ANGPT4: variants seen among roughly 807,000 people sequenced by gnomAD.
The protein encoded by ANGPT4 is angiopoietin-4.
ANGPT4 carries 50 observed loss-of-function variants against 53.0 expected under a neutral mutation model. The observed-to-expected ratio is 0.94, with a 90% confidence interval of 0.75 to 1.20. The LOEUF is 1.20. Among genes scored for constraint, ANGPT4 ranks in the 50% most tolerant of loss-of-function variants. The probability of loss-of-function intolerance (pLI) is 0.00; values close to 1 mark genes in which losing one functional copy is unlikely to be tolerated. For synonymous variants in ANGPT4, 251 were observed against 259.7 expected, an observed-to-expected ratio of 0.97 and a Z score of 0.32; for missense variants, 648 against 637.1, an observed-to-expected ratio of 1.02 and a Z score of -0.18.
chr20:896,574 C>G (rs1982061084), intron 1 of ANGPT4, among the ~76,000 whole-genome samples: 4 of 152,142 alleles, frequency 2.6e-5, no homozygotes, highest in African/African-American at 9.7e-5. Context: ...TATCTCTCTT[C>G]CATGGAAAAT....
At chr20:883,826 T>C (rs1227706621) in intron 4 of ANGPT4, among the ~76,000 whole-genome samples, 1 of 152,216 alleles carries the variant, frequency 6.6e-6, no homozygotes, top group Non-Finnish European at 1.5e-5. Context: ...TTCAGGCAGC[T>C]CAAGGCCAGG....
In ANGPT4 at chr20:881,263, C is replaced by A; in HGVS notation, c.859G>T (p.Val287Leu). The A allele has an allele frequency of 6.2e-7, 1 of 1,614,212 alleles. No individual in the cohort carries two copies. ...TGGATCTCTGCACAGTCCTGGAACA[C>A]CTGCTCACCTGCCATTATGAAGGCT... The part of the protein sequence containing the change: ...APAFIMAGEQ[V>L]FQDCAEIQRS... The change falls in exon 5 of 9, where the codon GTG becomes TTG. Residue 287 changes from valine to leucine, a missense_variant. Coordinates refer to ENST00000381922, the MANE Select transcript of ANGPT4 (RefSeq NM_015985.4).
At chr20:882,043 G>T (rs1981430176) in intron 4 of ANGPT4, among the ~76,000 whole-genome samples, 2 of 152,136 alleles carry the variant, frequency 1.3e-5, no homozygotes, top group Admixed American at 1.3e-4. Flanking sequence ...GGAAGCTGTG[G>T]GCTCCCCTTC....
chr20:876,144 CAAAAAA>C (rs3030778), intron 7 of ANGPT4, among the ~76,000 whole-genome samples: 1 of 99,096 alleles, frequency 1.0e-5, no homozygotes, highest in African/African-American at 3.5e-5. Flanking sequence ...AGCCCTGTCT[CAAAAAA>C]AAAAAAAAAA....
rs1048620730 is a variant in ANGPT4, at chr20:914,534, G to C, written c.309+1372C>G. On this transcript the variant is annotated intron_variant, in intron 1 of 8. Transcript: ENST00000381922. The surrounding 1 kb of genome is among the most constrained non-coding windows in gnomAD (Gnocchi z 5.0). ...GTCTGCTGCATGGAGAACAGGAGGT[G>C]GGGGCCGAGTGTTAGCAGGGAGCCA... 3.3e-5 allele frequency among the ~76,000 whole-genome samples: 5 copies of C among 152,072 alleles called. No homozygotes were observed. Among genetic ancestry groups the C allele is most frequent in the African/African-American group, 1.2e-4 (5 of 41,376 alleles).
At chr20:901,526 A>C (rs1228261874) in intron 1 of ANGPT4, among the ~76,000 whole-genome samples, 1 of 152,056 alleles carries the variant, frequency 6.6e-6, no homozygotes, top group Non-Finnish European at 1.5e-5. Flanking sequence ...GTCCACCTGC[A>C]CTCAGGTGAT....
In ANGPT4 at chr20:887,281, C is replaced by T. The variant is rs140215927; in HGVS notation, c.587+1037G>A. On this transcript the variant is annotated intron_variant, in intron 3 of 8. Coordinates refer to ENST00000381922, the MANE Select transcript of ANGPT4 (RefSeq NM_015985.4). ...CTGTCTTCATGGGCCAAGAGTTTAC[C>T]GATGACATCCTCCATCCTCACTGAT... 2.1e-3 allele frequency among the ~76,000 whole-genome samples: 317 copies of T among 152,270 alleles called. 1 individual carries two copies. The highest frequency in any genetic ancestry group is 7.3e-3 in the African/African-American group (302 of 41,536).
At position 879,861 on chromosome 20, in the gene ANGPT4, G is replaced by A. The variant is rs1420603594; in HGVS notation, c.952-13C>T. ...GGTCACAGAACACCTGGAGGGGGTG[G>A]GCAAGGCACAGCTGGGAGCCCTTGG... On this transcript the variant is annotated splice_polypyrimidine_tract_variant and intron_variant, in intron 5 of 8. Transcript: ENST00000381922. The A allele has an allele frequency of 6.2e-7, 1 of 1,605,642 alleles. No individual in the cohort carries two copies. The highest frequency in any genetic ancestry group is 8.5e-7 in the Non-Finnish European group (1 of 1,174,892).
Position 915,707 on chromosome 20 carries a change from G to T in ANGPT4, c.309+199C>A, listed in dbSNP as rs566374948. Among the ~76,000 whole-genome samples the T allele has an allele frequency of 3.3e-5, 5 of 152,098 alleles. No individual in the cohort carries two copies. The South Asian group carries it at 1.0e-3, about 32-fold the overall frequency. ...ATTTCTGTTGGATGAATGAAGGGAC[G>T]GCAGTTAAAGAGCCAGGTTGCCAGC... is the stretch of plus-strand genomic sequence containing the variant. On this transcript the variant is annotated intron_variant, in intron 1 of 8. Transcript: ENST00000381922.
chr20:916,246 C>T lies in ANGPT4; in HGVS notation c.-32G>A, dbSNP rs1600070803. On this transcript the variant is annotated 5_prime_UTR_variant, in exon 1 of 9. Transcript: ENST00000381922. The stretch of plus-strand genomic sequence containing the variant: ...ATGTGTCAATGGCGAGGGATGTCTG[C>T]TCAGAGCCCTAGGGGCTGTGCCTGG... 6.3e-7 allele frequency: 1 copy of T among 1,593,906 alleles called. No homozygotes were observed. Among genetic ancestry groups the T allele is most frequent in the East Asian group, 2.2e-5 (1 of 44,652 alleles).
chr20:875,085 A>C (rs968154169), intron 7 of ANGPT4, among the ~76,000 whole-genome samples: 8 of 151,662 alleles, frequency 5.3e-5, no homozygotes, highest in African/African-American at 1.9e-4. Flanking sequence ...TGCTTTGCAT[A>C]GGTTAACTCA....
At chr20:886,895 G>C (rs1408117049) in intron 3 of ANGPT4, among the ~76,000 whole-genome samples, 1 of 152,204 alleles carries the variant, frequency 6.6e-6, no homozygotes, top group African/African-American at 2.4e-5. Context: ...AGAAACCCTG[G>C]AATGTCAGCT....
rs1980991759 is a variant in ANGPT4 at position 872,789 on chromosome 20, A to G, written c.*171T>C. ...ACCCTCCATGTCACAGACGGAGGGG[A>G]GTTGGGGGGCAGATGACCCTTCTGG... On this transcript the variant is annotated 3_prime_UTR_variant, in exon 9 of 9. Transcript: ENST00000381922. 1.4e-6 allele frequency: 1 copy of G among 715,500 alleles called. No homozygotes were observed. The highest frequency in any genetic ancestry group is 2.3e-6 in the Non-Finnish European group (1 of 436,348). The allele number at this position is 715,500 out of a possible 1,614,324, so 44.3% of individuals were successfully genotyped here. A position where few individuals can be genotyped will look rare whatever the true frequency, so the allele number is the denominator to read the frequency against.
At chr20:882,427 T>G (rs1981445367) in intron 4 of ANGPT4, among the ~76,000 whole-genome samples, 1 of 152,100 alleles carries the variant, frequency 6.6e-6, no homozygotes, top group African/African-American at 2.4e-5. Context: ...TACCACAGGG[T>G]GGGACTTCCT....
At chr20:903,337 T>G (rs1173223159) in intron 1 of ANGPT4, among the ~76,000 whole-genome samples, 1 of 152,190 alleles carries the variant, frequency 6.6e-6, no homozygotes, top group Non-Finnish European at 1.5e-5. Context: ...ACATCCTGCA[T>G]CCAATCTGTT....
At chr20:899,685 CT>C (rs1472926281) in intron 1 of ANGPT4, among the ~76,000 whole-genome samples, 3 of 152,214 alleles carry the variant, frequency 2.0e-5, no homozygotes, top group Non-Finnish European at 4.4e-5. Context: ...ACCAAATTGT[CT>C]TGCCTATCCA....
rs1982562471 is a variant in ANGPT4 at position 908,341 on chromosome 20, T to A, written c.309+7565A>T. On this transcript the variant is annotated intron_variant, in intron 1 of 8. Transcript: ENST00000381922. The surrounding 1 kb of genome is among the most constrained non-coding windows in gnomAD (Gnocchi z 4.9). The stretch of plus-strand genomic sequence containing the variant: ...AGACACACTGAATGCCTTTTGCTTT[T>A]GGCCCATTCTACCCCCAGGGCCTTT... Among the ~76,000 whole-genome samples, 1 of 152,218 alleles carries A rather than the reference T, an allele frequency of 6.6e-6. No homozygotes were observed. The highest frequency in any genetic ancestry group is 1.5e-5 in the Non-Finnish European group (1 of 68,036).
chr20:877,899 C>T (rs1224592845), intron 7 of ANGPT4, among the ~76,000 whole-genome samples: 1 of 152,214 alleles, frequency 6.6e-6, no homozygotes, highest in Non-Finnish European at 1.5e-5. Flanking sequence ...GGGTGACTGA[C>T]CTTGGAAGAC....
intron 4 of ANGPT4, among the ~76,000 whole-genome samples, chr20:881,774 G>A (rs551235490): frequency 4.6e-5 from 7 of 152,330 alleles, no homozygotes; most frequent in South Asian, 2.1e-4. Context: ...GCCAGGCTGC[G>A]GAGCCCAGAT....
Sources: gnomAD v4.1 joint callset for allele counts (sites outside exome capture counted in the v4.1 genomes callset) on GRCh38, gnomAD v4.1.1 for gene constraint, Gnocchi (gnomAD v3.1) non-coding constraint, MANE v1.5 for transcripts, NCBI Gene and HGNC (gene_info 2026-07-23, HGNC 2026-07-21) for gene names.